Variants in TXNRD3 observed in about 807,000 individuals in gnomAD.
TXNRD3 encodes the protein TXNRD3 neighbor gene protein.
TXNRD3 carries 68 observed loss-of-function variants against 78.2 expected under a neutral mutation model. That is an observed-to-expected ratio of 0.87 (90% CI 0.72 to 1.06). The LOEUF (loss-of-function observed/expected upper bound fraction) is 1.06. Among genes scored for constraint, TXNRD3 ranks in the 50% least tolerant of loss-of-function variants. The pLI is 0.00. For missense variants in TXNRD3, 751 were observed against 809.5 expected (o/e 0.93, Z 0.88); for synonymous variants, 296 against 300.1 (o/e 0.99, Z 0.14).
At chr3:126,638,134 AG>A (rs1257066530) in intron 6 of TXNRD3, among the ~76,000 whole-genome samples, 3 of 151,750 alleles carry the variant, frequency 2.0e-5, no homozygotes, top group East Asian at 3.9e-4. Flanking sequence ...TAGTAGAGAC[AG>A]GGTTTCATTG....
At chr3:126,643,734 T>A (rs4679127) in intron 5 of TXNRD3, among the ~76,000 whole-genome samples, 1 of 152,056 alleles carries the variant, frequency 6.6e-6, no homozygotes, top group Non-Finnish European at 1.5e-5. Context: ...TTTTTTAAAA[T>A]TTTTTTATTT....
chr3:126,636,792 C>A (rs1938872346), intron 6 of TXNRD3, among the ~76,000 whole-genome samples: 1 of 152,190 alleles, frequency 6.6e-6, no homozygotes, highest in Non-Finnish European at 1.5e-5. Context: ...TTTTCTAAGT[C>A]TAGCTTTTCC....
In TXNRD3 at chr3:126,646,142, A is replaced by G. The variant is rs1035224210; in HGVS notation, c.383T>C (p.Val128Ala). Residue 128 changes from valine to alanine, a missense_variant, in exon 3 of 16, where the codon GTG (valine) becomes GCG (alanine). Transcript: ENST00000524230. Reference sequence around the variant, plus strand: ...AGTTTGGTCACATCCACCTACATGCACTTTATTCACGAAAATATTGGGCAC... The same window carrying G: ...AGTTTGGTCACATCCACCTACATGCGCTTTATTCACGAAAATATTGGGCAC... 6.5e-7 allele frequency: 1 copy of G among 1,533,452 alleles called. No individual in the cohort carries two copies. The highest frequency in any genetic ancestry group is 1.4e-5 in the African/African-American group (1 of 72,980). The allele number at this position is 1,533,452 out of a possible 1,614,324, so 95.0% of individuals were successfully genotyped here. A position where few individuals can be genotyped will look rare whatever the true frequency, so the allele number is the denominator to read the frequency against.
chr3:126,627,274 A>T (rs1158723765), intron 10 of TXNRD3, among the ~76,000 whole-genome samples: 1 of 152,236 alleles, frequency 6.6e-6, no homozygotes. Flanking sequence ...TAAAAACATC[A>T]ATCTGAATAA....
chr3:126,646,817 C>T (rs1933244819), intron 2 of TXNRD3, among the ~76,000 whole-genome samples: 1 of 152,160 alleles, frequency 6.6e-6, no homozygotes, highest in African/African-American at 2.4e-5. Flanking sequence ...AAGTGCTGAA[C>T]TAATATTAGA....
Position 126,637,932 on chromosome 3 carries a change from C to CTTTTT in TXNRD3, c.713-3886_713-3882dup, listed in dbSNP as rs71615916. ...CTTATTTTAACCTATATTTCTCTCT[C>CTTTTT]TTTTTTTTTTTTTTTTTTTTTTTTT... On this transcript the variant is annotated intron_variant, in intron 6 of 15. Coordinates refer to ENST00000524230, the MANE Select transcript of TXNRD3 (RefSeq NM_052883.3). Among the ~76,000 whole-genome samples, 99 of 60,238 alleles carry CTTTTT rather than the reference C, an allele frequency of 1.6e-3. 8 individuals are homozygous for CTTTTT. The highest frequency in any genetic ancestry group is 1.9e-3 in the African/African-American group (26 of 13,980). The allele number at this position is 60,238 out of a possible 152,430, so 39.5% of individuals were successfully genotyped here. A position where few individuals can be genotyped will look rare whatever the true frequency, so the allele number is the denominator to read the frequency against.
At chr3:126,614,111 A>T (rs1161529778) in intron 13 of TXNRD3, among the ~76,000 whole-genome samples, 2 of 152,218 alleles carry the variant, frequency 1.3e-5, no homozygotes, top group African/African-American at 4.8e-5. Context: ...AAAAATTAAT[A>T]GAAAAAAGCT....
chr3:126,644,204 G>A, intron 4 of TXNRD3, 93 bp downstream of exon 4: 1 of 1,368,174 alleles, frequency 7.3e-7, no homozygotes, highest in Admixed American at 2.2e-5. Context: ...AGCTTAAACT[G>A]TAACATTAGT....
chr3:126,629,374 C>T lies in TXNRD3; in HGVS notation c.1290+5G>A. On this transcript the variant is annotated splice_donor_5th_base_variant and intron_variant, in intron 10 of 15. Coordinates refer to ENST00000524230, the MANE Select transcript of TXNRD3 (RefSeq NM_052883.3). ...TAACTTAGTAATGATAAAATAAAAA[C>T]TCACTGTGTTATAGACTCCTTCAAT... 1 of 1,525,136 alleles carries T rather than the reference C, an allele frequency of 6.6e-7. No homozygotes were observed. Among genetic ancestry groups the T allele is most frequent in the Non-Finnish European group, 8.8e-7 (1 of 1,140,370 alleles). The allele number at this position is 1,525,136 out of a possible 1,614,324, so 94.5% of individuals were successfully genotyped here.
Position 126,633,988 on chromosome 3 carries a change from C to A in TXNRD3, c.776G>T (p.Gly259Val). 3 of 1,527,870 alleles carry A rather than the reference C, an allele frequency of 2.0e-6. No individual in the cohort carries two copies. Among genetic ancestry groups the A allele is most frequent in the Non-Finnish European group, 2.6e-6 (3 of 1,142,018 alleles). 94.6% of individuals were successfully genotyped at this position (1,527,870 alleles called of 1,614,324 possible). The change falls in exon 7 of 16, where the codon GGC (glycine) becomes GTC (valine). Residue 259 changes from glycine to valine, a missense_variant. Gly to Val is a moderately radical substitution (Grantham distance 109, BLOSUM62 -3). Transcript: ENST00000524230. Reference sequence around the variant, plus strand: ...CTTTTCCCTCAGAGACAACCTGTAGCCCCAGTTTAGAGAGCTGATGTGGTT... The same window carrying A: ...CTTTTCCCTCAGAGACAACCTGTAGACCCAGTTTAGAGAGCTGATGTGGTT...
intron 2 of TXNRD3, 93 bp from the exon 3 acceptor site, chr3:126,646,313 T>G (rs1275273615): frequency 4.1e-6 from 4 of 977,298 alleles, no homozygotes. Flanking sequence ...AATGTTCACA[T>G]GTACATACTC....
At chr3:126,619,544 T>G (rs937719792) in intron 12 of TXNRD3, among the ~76,000 whole-genome samples, 4 of 152,146 alleles carry the variant, frequency 2.6e-5, no homozygotes, top group African/African-American at 9.7e-5. Context: ...ATTGTGGTTA[T>G]TAGAGGCTGG....
intron 5 of TXNRD3, among the ~76,000 whole-genome samples, chr3:126,643,526 C>T (rs997241974): frequency 3.9e-5 from 6 of 152,128 alleles, no homozygotes; most frequent in East Asian, 1.9e-4. Context: ...GGCAAACTTA[C>T]GTGACCACGA....
intron 13 of TXNRD3, among the ~76,000 whole-genome samples, 181 bp from the exon 14 acceptor site, chr3:126,611,313 T>C (rs900319942): frequency 2.0e-5 from 3 of 152,192 alleles, no homozygotes; most frequent in African/African-American, 7.2e-5. Flanking sequence ...AAATGCTAGC[T>C]GCATATGTGT....
chr3:126,630,861 C>T lies in TXNRD3; in HGVS notation c.1048G>A (p.Ala350Thr). The T allele has an allele frequency of 6.5e-7, 1 of 1,536,026 alleles. No homozygotes were observed. Among genetic ancestry groups the T allele is most frequent in the South Asian group, 1.2e-5 (1 of 84,042 alleles). Residue 350 changes from alanine to threonine, a missense_variant, in exon 9 of 16, where the codon GCA (alanine) becomes ACA (threonine). By Grantham distance (58) the Ala-to-Thr change is moderately conservative (BLOSUM62 0). Transcript: ENST00000524230. Reference sequence around the variant, plus strand: ...AGGCCAAAGCCAGCCAGAAACCCTGCACACTCCAGGGCAACATAAGAGGCA... The same window carrying T: ...AGGCCAAAGCCAGCCAGAAACCCTGTACACTCCAGGGCAACATAAGAGGCA...
chr3:126,639,386 T>C (rs1932998263), intron 6 of TXNRD3, among the ~76,000 whole-genome samples: 1 of 152,142 alleles, frequency 6.6e-6, no homozygotes, highest in African/African-American at 2.4e-5. Context: ...TATCTCAGTG[T>C]TCTGTCTCTG....
intron 1 of TXNRD3, among the ~76,000 whole-genome samples, chr3:126,653,481 G>C (rs959360464): frequency 6.6e-6 from 1 of 152,194 alleles, no homozygotes; most frequent in Non-Finnish European, 1.5e-5. Context: ...GACTTCATTT[G>C]GGAAATGCAA....
intron 12 of TXNRD3, among the ~76,000 whole-genome samples, chr3:126,619,516 A>G (rs1938396800): frequency 6.6e-6 from 1 of 152,208 alleles, no homozygotes; most frequent in Admixed American, 6.5e-5. Context: ...AGTTGATCTT[A>G]TAGAAGTAGA....
At chr3:126,633,741 G>C (rs190512931) in intron 7 of TXNRD3, among the ~76,000 whole-genome samples, 168 bp downstream of exon 7, 127 of 152,250 alleles carry the variant, frequency 8.3e-4, no homozygotes, top group African/African-American at 3.0e-3. Context: ...CAAACATGTA[G>C]AATTAGCAAA....
Sources: allele counts gnomAD v4.1 joint callset (sites outside exome capture counted in the v4.1 genomes callset), GRCh38; gene constraint gnomAD v4.1.1; transcripts MANE v1.5; gene names NCBI Gene and HGNC (gene_info 2026-07-23, HGNC 2026-07-21).